The following NIBAN1 variants were observed in gnomAD, a reference collection of about 807,000 sequenced individuals.
The protein encoded by NIBAN1 is niban apoptosis regulator 1, also known as protein Niban 1.
A neutral mutation model predicts 75.1 loss-of-function variants in NIBAN1; 81 were observed. That is an observed-to-expected ratio of 1.08 (90% CI 0.90 to 1.30). NIBAN1 has a LOEUF of 1.30. Among genes scored for constraint, NIBAN1 ranks in the 50% most tolerant of loss-of-function variants. NIBAN1 has a pLI of 0.00. For missense variants in NIBAN1, 1,133 were observed against 1,128.1 expected (o/e 1.00, Z -0.06); for synonymous variants, 436 against 424.8 (o/e 1.03, Z -0.32).
chr1:184,939,876 G>A (rs1469741885), intron 1 of NIBAN1, among the ~76,000 whole-genome samples: 1 of 152,148 alleles, frequency 6.6e-6, no homozygotes, highest in Non-Finnish European at 1.5e-5. Flanking sequence ...TGGTGGGTAG[G>A]GGTAAATCCT....
rs144681088 is a variant in NIBAN1 at position 184,813,367 on chromosome 1, A to G, written c.1174-5132T>C. 8.8e-3 allele frequency among the ~76,000 whole-genome samples: 1,336 copies of G among 151,384 alleles called. 10 individuals are homozygous for G. Among genetic ancestry groups the G allele is most frequent in the Non-Finnish European group, 0.014 (941 of 67,818 alleles). ...ACTTCAGTAATTTTTGGGAAATGAA[A>G]ACAGCTTTAAAAATTATTGTTAAAA... On this transcript the variant is annotated intron_variant, in intron 9 of 13. Transcript: ENST00000367511.
At chr1:184,823,114 C>T in intron 8 of NIBAN1, 53 bp downstream of exon 8, 2 of 1,573,234 alleles carry the variant, frequency 1.3e-6, no homozygotes, top group Non-Finnish European at 1.7e-6. Context: ...TGTGGTGGAT[C>T]CCTGCATGTA....
At chr1:184,883,397 C>G (rs965253766) in intron 5 of NIBAN1, among the ~76,000 whole-genome samples, 1 of 152,220 alleles carries the variant, frequency 6.6e-6, no homozygotes, top group Non-Finnish European at 1.5e-5. Flanking sequence ...CTTCATTACT[C>G]TCTTCCTAAC....
chr1:184,843,278 C>A (rs1655343285), intron 5 of NIBAN1, among the ~76,000 whole-genome samples: 1 of 152,100 alleles, frequency 6.6e-6, no homozygotes, highest in Admixed American at 6.6e-5. Flanking sequence ...TCTTTTCTGG[C>A]ACTCAGTGGA....
chr1:184,925,531 C>A (rs1161272131), intron 1 of NIBAN1, among the ~76,000 whole-genome samples: 3 of 151,876 alleles, frequency 2.0e-5, no homozygotes, highest in African/African-American at 7.2e-5. Flanking sequence ...GATGATTTTT[C>A]TCCAGTGGTG....
chr1:184,817,156 A>G (rs945379727), intron 9 of NIBAN1, among the ~76,000 whole-genome samples: 1 of 152,218 alleles, frequency 6.6e-6, no homozygotes, highest in Non-Finnish European at 1.5e-5. Context: ...TAGTTGGCTG[A>G]AAATGATGGT....
intron 1 of NIBAN1, among the ~76,000 whole-genome samples, chr1:184,965,131 C>T (rs1296221279): frequency 6.6e-6 from 1 of 152,106 alleles, no homozygotes; most frequent in East Asian, 1.9e-4. Context: ...AACCCCGTCT[C>T]TACTAAAAAT....
intron 5 of NIBAN1, among the ~76,000 whole-genome samples, chr1:184,838,511 A>G (rs1299953733): frequency 1.3e-5 from 2 of 152,192 alleles, no homozygotes; most frequent in South Asian, 2.1e-4. Flanking sequence ...AGAACTGTGT[A>G]GGAATGCACT....
At chr1:184,869,475 T>C (rs1390088857) in intron 5 of NIBAN1, among the ~76,000 whole-genome samples, 6 of 152,164 alleles carry the variant, frequency 3.9e-5, no homozygotes, top group African/African-American at 1.4e-4. Context: ...TAAAATATTA[T>C]AAAGAGTTTA....
At chr1:184,915,013 T>A (rs1020463880) in intron 1 of NIBAN1, among the ~76,000 whole-genome samples, 2 of 152,238 alleles carry the variant, frequency 1.3e-5, no homozygotes, top group African/African-American at 4.8e-5. Context: ...TGAGCCACTG[T>A]GCCCAGCCCA....
chr1:184,838,487 C>T (rs1236396351), intron 5 of NIBAN1, among the ~76,000 whole-genome samples: 1 of 152,192 alleles, frequency 6.6e-6, no homozygotes, highest in Non-Finnish European at 1.5e-5. Context: ...TCAACAATCA[C>T]ATCCTCACGA....
chr1:184,911,666 A>G (rs1280130040), intron 1 of NIBAN1, among the ~76,000 whole-genome samples: 2 of 152,250 alleles, frequency 1.3e-5, no homozygotes, highest in East Asian at 1.9e-4. Context: ...AAGTACTGCT[A>G]TGAACCAGTC....
intron 5 of NIBAN1, among the ~76,000 whole-genome samples, chr1:184,855,943 C>T (rs907253708): frequency 3.9e-5 from 6 of 152,098 alleles, no homozygotes; most frequent in Non-Finnish European, 8.8e-5. Flanking sequence ...GTACATTGAG[C>T]AAGACAAAAG....
chr1:184,864,691 C>T (rs1655903817), intron 5 of NIBAN1, among the ~76,000 whole-genome samples: 1 of 151,908 alleles, frequency 6.6e-6, no homozygotes, highest in Non-Finnish European at 1.5e-5. Context: ...ACAAACTAGA[C>T]ATCTAACAAA....
chr1:184,820,469 C>T (rs1237302974), intron 8 of NIBAN1, among the ~76,000 whole-genome samples: 2 of 152,200 alleles, frequency 1.3e-5, no homozygotes, highest in African/African-American at 4.8e-5. Flanking sequence ...ACATCCTACT[C>T]CTCTCTTCAA....
chr1:184,893,923 A>G, intron 3 of NIBAN1, 152 bp downstream of exon 3: 1 of 699,856 alleles, frequency 1.4e-6, no homozygotes, highest in Non-Finnish European at 2.3e-6. Flanking sequence ...TACATGAATG[A>G]GTGCTTATTG....
chr1:184,859,848 G>C (rs1655771160), intron 5 of NIBAN1, among the ~76,000 whole-genome samples: 1 of 152,174 alleles, frequency 6.6e-6, no homozygotes, highest in Admixed American at 6.5e-5. Flanking sequence ...GCATGGTGAG[G>C]ATGCCATTGC....
Position 184,845,819 on chromosome 1 carries a change from A to G in NIBAN1, c.602-13857T>C, listed in dbSNP as rs1451879719. On this transcript the variant is annotated intron_variant, in intron 5 of 13. Coordinates refer to ENST00000367511, the MANE Select transcript of NIBAN1 (RefSeq NM_052966.4). ...AGGCATTGCCTCACCTGGGAAGCGC[A>G]AGGGGTCAGGGAGTTCCCTTTCCGA... 4.8e-5 allele frequency among the ~76,000 whole-genome samples: 4 copies of G among 83,884 alleles called. 1 individual carries two copies. The highest frequency in any genetic ancestry group is 9.5e-5 in the Non-Finnish European group (4 of 41,922). 55.0% of individuals were successfully genotyped at this position (83,884 alleles called of 152,430 possible).
Position 184,795,868 on chromosome 1 carries a change from G to A in NIBAN1, c.1896C>T (p.Ser632=), listed in dbSNP as rs773317765. ...AAAGGCTTTCTCCTTTGGCCAACGAGCTAGGGACCTCAGGCTGCTTCTCTT... is the reference window on the plus strand; with the variant it reads ...AAAGGCTTTCTCCTTTGGCCAACGAACTAGGGACCTCAGGCTGCTTCTCTT... ...SEEEKQPEVP[S]SLAKGESLSL... is the part of the protein sequence containing the mutation. Residue 632 remains serine, a synonymous_variant, in exon 14 of 14, where the codon AGC becomes AGT. Transcript: ENST00000367511. 8 of 1,612,736 alleles carry A rather than the reference G, an allele frequency of 5.0e-6. No individual in the cohort carries two copies. In the East Asian group the frequency reaches 1.8e-4, roughly 36 times the overall value.
Sources: allele counts gnomAD v4.1 joint callset (sites outside exome capture counted in the v4.1 genomes callset), GRCh38; gene constraint gnomAD v4.1.1; transcripts MANE v1.5; gene names NCBI Gene and HGNC (gene_info 2026-07-23, HGNC 2026-07-21).